Variants in RFX7 observed in about 807,000 individuals in gnomAD.
RFX7 encodes DNA-binding protein RFX7.
Under a neutral mutation model 111.8 loss-of-function variants are expected in RFX7, and 26 were observed. The ratio of observed to expected loss-of-function variants is 0.23; its 90% CI spans 0.17 to 0.32. The LOEUF (loss-of-function observed/expected upper bound fraction) is 0.32. Among genes scored for constraint, RFX7 ranks in the 10% least tolerant of loss-of-function variants. The pLI, the probability that RFX7 is intolerant of heterozygous loss-of-function variation, is 1.00. For missense variants in RFX7, 1,573 were observed against 1,772.9 expected (o/e 0.89, Z 2.02); for synonymous variants, 624 against 624.4 (o/e 1.00, Z 0.01).
chr15:56,186,689 T>C (rs1159052981), intron 2 of RFX7, among the ~76,000 whole-genome samples: 1 of 151,472 alleles, frequency 6.6e-6, no homozygotes, highest in Non-Finnish European at 1.5e-5. Flanking sequence ...GTGTGTATAA[T>C]AAACACACAT....
At chr15:56,244,323 C>T (rs2043784251), upstream of RFX7, 1 of 152,274 alleles carries the variant, frequency 6.6e-6, no homozygotes, top group African/African-American at 2.4e-5. Context: ...AAGAAGAACA[C>T]CCGTTGGAAT....
At chr15:56,146,982 A>G (rs531206149) in intron 3 of RFX7, among the ~76,000 whole-genome samples, 18 of 152,370 alleles carry the variant, frequency 1.2e-4, no homozygotes, top group Non-Finnish European at 2.2e-4. Context: ...TTCTGAAACA[A>G]TGCTCACTGG....
At chr15:56,159,476 G>A (rs2042695660) in intron 3 of RFX7, among the ~76,000 whole-genome samples, 3 of 152,160 alleles carry the variant, frequency 2.0e-5, no homozygotes, top group African/African-American at 4.8e-5. Flanking sequence ...TTCCCTTAGG[G>A]TGAGTGCAGA....
intron 3 of RFX7, among the ~76,000 whole-genome samples, chr15:56,176,855 T>C (rs988791466): frequency 4.6e-5 from 7 of 152,070 alleles, no homozygotes; most frequent in African/African-American, 1.4e-4. Flanking sequence ...AATTATCTAC[T>C]GAACTTCTGC....
At chr15:56,099,355 T>C in intron 8 of RFX7, among the ~76,000 whole-genome samples, 1 of 152,164 alleles carries the variant, frequency 6.6e-6, no homozygotes, top group East Asian at 1.9e-4. Context: ...TCTCTCCCCA[T>C]ACTCAATAAT....
chr15:56,139,606 T>C (rs1430663493), intron 5 of RFX7, among the ~76,000 whole-genome samples: 4 of 152,228 alleles, frequency 2.6e-5, no homozygotes, highest in Admixed American at 6.5e-5. Flanking sequence ...GAAGCCTTCT[T>C]CTCTCTGCTC....
rs1418988785 is a variant in RFX7 at position 56,087,742 on chromosome 15, G to A, written c.*5603C>T. The A allele has an allele frequency of 8.8e-6, 3 of 340,382 alleles. No homozygotes were observed. Among genetic ancestry groups the A allele is most frequent in the South Asian group, 2.3e-5 (1 of 43,288 alleles). The allele number at this position is 340,382 out of a possible 1,614,324, so 21.1% of individuals were successfully genotyped here. A position where few individuals can be genotyped will look rare whatever the true frequency, so the allele number is the denominator to read the frequency against. Reference sequence around the variant, plus strand: ...TGCATCCTGCAAAGACATTCACTGTGTCTTTTTCATTATATTGCAAAATTT... The same window carrying A: ...TGCATCCTGCAAAGACATTCACTGTATCTTTTTCATTATATTGCAAAATTT... On this transcript the variant is annotated 3_prime_UTR_variant, in exon 10 of 10. Coordinates refer to ENST00000559447, the MANE Select transcript of RFX7 (RefSeq NM_022841.7).
At chr15:56,131,373 T>C (rs2042215296) in intron 5 of RFX7, among the ~76,000 whole-genome samples, 1 of 137,656 alleles carries the variant, frequency 7.3e-6, no homozygotes, top group Non-Finnish European at 1.5e-5. Flanking sequence ...GCTCAAGCAA[T>C]CCTCCAACTC....
intron 5 of RFX7, among the ~76,000 whole-genome samples, chr15:56,116,575 T>C (rs1321897820): frequency 2.6e-5 from 4 of 152,046 alleles, no homozygotes; most frequent in Non-Finnish European, 5.9e-5. Flanking sequence ...CATTCATGAA[T>C]GTATAGAAGA....
At chr15:56,142,962 A>G in intron 4 of RFX7, 62 bp from the exon 5 acceptor site, 1 of 1,579,038 alleles carries the variant, frequency 6.3e-7, no homozygotes, top group Non-Finnish European at 8.6e-7. Context: ...TTTTTGAGCT[A>G]GGCCTAAATG....
upstream of RFX7, chr15:56,244,247 C>T (rs1166375679): frequency 6.6e-6 from 1 of 152,152 alleles, no homozygotes; most frequent in Non-Finnish European, 1.5e-5. Flanking sequence ...AGGATTACTT[C>T]CTCCCTGAGT....
chr15:56,240,093 G>C (rs1486385507), intron 2 of RFX7, among the ~76,000 whole-genome samples: 1 of 127,564 alleles, frequency 7.8e-6, no homozygotes, highest in Non-Finnish European at 1.8e-5. Flanking sequence ...AAAATACATG[G>C]GTTACTAGTT....
chr15:56,187,844 C>T (rs1237824735), intron 2 of RFX7, among the ~76,000 whole-genome samples: 4 of 152,130 alleles, frequency 2.6e-5, no homozygotes, highest in Admixed American at 1.3e-4. Flanking sequence ...AAAAAGTCAA[C>T]ACTCATCAGA....
chr15:56,133,474 A>G (rs568436642), intron 5 of RFX7, among the ~76,000 whole-genome samples: 38 of 152,210 alleles, frequency 2.5e-4, no homozygotes, highest in African/African-American at 8.7e-4. Flanking sequence ...TTAAAAGGAT[A>G]CTTCATATTA....
At chr15:56,190,505 G>T (rs990110095) in intron 2 of RFX7, among the ~76,000 whole-genome samples, 6 of 152,184 alleles carry the variant, frequency 3.9e-5, no homozygotes, top group Non-Finnish European at 4.4e-5. Flanking sequence ...GAACTCTTCA[G>T]CATTACAGTT....
At chr15:56,227,199 C>T (rs1169254991) in intron 2 of RFX7, among the ~76,000 whole-genome samples, 3 of 152,156 alleles carry the variant, frequency 2.0e-5, no homozygotes, top group African/African-American at 7.2e-5. Flanking sequence ...AGTGTTACAA[C>T]ACATTCATGA....
intron 2 of RFX7, among the ~76,000 whole-genome samples, chr15:56,223,621 G>A (rs1407991451): frequency 1.3e-5 from 2 of 152,096 alleles, no homozygotes; most frequent in African/African-American, 2.4e-5. Flanking sequence ...TACTTTTAAA[G>A]TTTAATACAT....
intron 5 of RFX7, among the ~76,000 whole-genome samples, chr15:56,116,493 CTGTAA>C (rs1213236176): frequency 6.6e-6 from 1 of 152,128 alleles, no homozygotes. Context: ...ATACATACAG[CTGTAA>C]TGTAAACAGT....
intron 3 of RFX7, among the ~76,000 whole-genome samples, chr15:56,149,885 G>A (rs1007794709): frequency 2.0e-5 from 3 of 151,984 alleles, no homozygotes; most frequent in Admixed American, 6.6e-5. Flanking sequence ...GGAAAGGGGC[G>A]CTGAAGCCAG....
Sources: allele counts gnomAD v4.1 joint callset (sites outside exome capture counted in the v4.1 genomes callset), GRCh38; gene constraint gnomAD v4.1.1; transcripts MANE v1.5; gene names NCBI Gene and HGNC (gene_info 2026-07-23, HGNC 2026-07-21).